The following PTPRT variants were observed in gnomAD, a reference collection of about 807,000 sequenced individuals.
PTPRT encodes the protein protein tyrosine phosphatase receptor type T, also known as receptor-type tyrosine-protein phosphatase T.
In PTPRT, 56 loss-of-function variants were observed where a neutral mutation model predicts 176.8. The ratio of observed to expected loss-of-function variants is 0.32; its 90% confidence interval spans 0.26 to 0.40. PTPRT has a LOEUF of 0.40. PTPRT is among the 10% of genes least tolerant of loss of function. The pLI, the probability that PTPRT is intolerant of heterozygous loss-of-function variation, is 1.00. For synonymous variants in PTPRT, 783 were observed against 739.0 expected, an observed-to-expected ratio of 1.06 and a Z score of -0.96; for missense variants, 1,540 against 1,908.2, an observed-to-expected ratio of 0.81 and a Z score of 3.60.
intron 6 of PTPRT, among the ~76,000 whole-genome samples, chr20:42,701,618 G>T (rs147009139): frequency 8.5e-5 from 13 of 152,238 alleles, no homozygotes; most frequent in African/African-American, 3.1e-4. Context: ...TCCCAGGCAT[G>T]GCCAGGGTGA....
chr20:42,881,039 TG>T (rs1317229922), intron 2 of PTPRT, among the ~76,000 whole-genome samples: 3 of 152,178 alleles, frequency 2.0e-5, no homozygotes, highest in Non-Finnish European at 4.4e-5. Context: ...AGCTCGCCTT[TG>T]TAAAGCAGCA....
chr20:42,118,806 C>T (rs1215624884), intron 20 of PTPRT, among the ~76,000 whole-genome samples: 1 of 151,970 alleles, frequency 6.6e-6, no homozygotes, highest in Non-Finnish European at 1.5e-5. Flanking sequence ...ACCAACTCCA[C>T]CTATCACCTT....
intron 1 of PTPRT, among the ~76,000 whole-genome samples, chr20:43,098,547 C>CTTTTTTTTTTTTTT (rs752767685): frequency 1.4e-5 from 2 of 141,896 alleles, no homozygotes; most frequent in Non-Finnish European, 1.5e-5. Flanking sequence ...TCTTTTTTTT[C>CTTTTTTTTTTTTTT]TTTTTTTTTT....
intron 9 of PTPRT, among the ~76,000 whole-genome samples, chr20:42,380,778 T>C (rs2058691882): frequency 1.3e-5 from 2 of 152,306 alleles, no homozygotes; most frequent in Non-Finnish European, 2.9e-5. Flanking sequence ...ATTACCTTAA[T>C]TGGCTCATGG....
At chr20:42,413,242 A>G (rs2425497) in intron 9 of PTPRT, among the ~76,000 whole-genome samples, 125,389 of 152,136 alleles carry the variant, frequency 0.82, 51,926 homozygotes, top group Admixed American at 0.86. Flanking sequence ...ATCAATAATC[A>G]TAAAATGAAC....
chr20:43,141,859 C>T (rs1204257894), intron 1 of PTPRT, among the ~76,000 whole-genome samples: 3 of 152,258 alleles, frequency 2.0e-5, no homozygotes, highest in Admixed American at 1.3e-4. Context: ...TTCTAGTGCC[C>T]GTGGTTGAGT....
intron 7 of PTPRT, among the ~76,000 whole-genome samples, chr20:42,516,611 T>C (rs1473225973): frequency 1.3e-5 from 2 of 152,150 alleles, no homozygotes; most frequent in Non-Finnish European, 2.9e-5. Context: ...TGGGCTCATC[T>C]TTTTACATAC....
chr20:42,573,439 T>A (rs1365512824), intron 7 of PTPRT, among the ~76,000 whole-genome samples: 1 of 152,138 alleles, frequency 6.6e-6, no homozygotes, highest in South Asian at 2.1e-4. Context: ...CAGAGAGGGA[T>A]TGTCCTTGGC....
chr20:42,704,775 G>A (rs1486491833), intron 6 of PTPRT, among the ~76,000 whole-genome samples: 1 of 152,198 alleles, frequency 6.6e-6, no homozygotes, highest in African/African-American at 2.4e-5. Context: ...GCTCTCTGAA[G>A]GAAAGGGTCA....
At chr20:42,145,993 CCTT>C (rs956801209) in intron 17 of PTPRT, among the ~76,000 whole-genome samples, 54 of 152,248 alleles carry the variant, frequency 3.5e-4, no homozygotes, top group African/African-American at 1.2e-3. Flanking sequence ...TGTTCTTTCT[CCTT>C]CTTCTCCTTT....
chr20:42,109,246 G>A (rs2146284328), intron 23 of PTPRT, among the ~76,000 whole-genome samples: 1 of 151,986 alleles, frequency 6.6e-6, no homozygotes, highest in Middle Eastern at 3.4e-3. Flanking sequence ...CAAACTGCCA[G>A]GGCAGGGATG....
intron 14 of PTPRT, among the ~76,000 whole-genome samples, chr20:42,248,151 G>A (rs1278477220): frequency 2.0e-5 from 3 of 152,110 alleles, no homozygotes; most frequent in East Asian, 1.9e-4. Context: ...TGTGGGACAG[G>A]ACATAGTACA....
At chr20:42,347,858 G>A (rs540543796) in intron 11 of PTPRT, among the ~76,000 whole-genome samples, 1 of 152,178 alleles carries the variant, frequency 6.6e-6, no homozygotes, top group Admixed American at 6.5e-5. Context: ...TGGGCAAACA[G>A]ACCAAGTTCT....
At chr20:42,910,707 A>C (rs2145932121) in intron 1 of PTPRT, among the ~76,000 whole-genome samples, 1 of 152,336 alleles carries the variant, frequency 6.6e-6, no homozygotes, top group South Asian at 2.1e-4. Flanking sequence ...ACACAAAATA[A>C]GGGTGAAATC....
intron 1 of PTPRT, among the ~76,000 whole-genome samples, chr20:42,979,607 G>A (rs935156376): frequency 6.6e-6 from 1 of 152,020 alleles, no homozygotes; most frequent in African/African-American, 2.4e-5. Flanking sequence ...TATCTGAGAG[G>A]ACACATTCAC....
intron 6 of PTPRT, among the ~76,000 whole-genome samples, chr20:42,691,181 A>G (rs185302432): frequency 1.3e-5 from 2 of 152,372 alleles, no homozygotes; most frequent in East Asian, 3.9e-4. Flanking sequence ...TCACTTTCAG[A>G]AAGCACTGGA....
rs748026048 is a variant in PTPRT, at chr20:42,080,927, C to T, written c.4278G>A (p.Gln1426=). The T allele has an allele frequency of 3.7e-6, 6 of 1,606,130 alleles. No individual in the cohort carries two copies. In the African/African-American group the frequency reaches 8.0e-5, roughly 22 times the overall value. The part of the protein sequence containing the change: ...NKSNMVETLE[Q]YKFVYEVALE... Reference sequence around the variant, plus strand: ...GTGCCACCTCGTATACAAATTTATACTGTTCCTGAGAGGCGGAGAGGAGCA... The same window carrying T: ...GTGCCACCTCGTATACAAATTTATATTGTTCCTGAGAGGCGGAGAGGAGCA... The change falls in exon 31 of 31, where the codon CAG becomes CAA. Residue 1426 remains glutamine, a synonymous_variant. Coordinates refer to ENST00000373187, the MANE Select transcript of PTPRT (RefSeq NM_007050.6).
At chr20:42,055,002 G>C in the PTPRT span, among the ~76,000 whole-genome samples, 48 of 152,296 alleles carry the variant, frequency 3.2e-4, no homozygotes, top group African/African-American at 1.1e-3. Context: ...CGAGTTAGTG[G>C]GTGCAGCGCA....
At chr20:42,237,924 T>G (rs2146865877) in intron 14 of PTPRT, among the ~76,000 whole-genome samples, 1 of 152,292 alleles carries the variant, frequency 6.6e-6, no homozygotes, top group Middle Eastern at 3.4e-3. Context: ...ATTATCCCAT[T>G]TGCTTGGTAC....
Sources: gnomAD v4.1 joint callset for allele counts (sites outside exome capture counted in the v4.1 genomes callset) on GRCh38, gnomAD v4.1.1 for gene constraint, MANE v1.5 for transcripts, NCBI Gene and HGNC (gene_info 2026-07-23, HGNC 2026-07-21) for gene names.